The following PNCK variants were observed in gnomAD, a reference collection of about 807,000 sequenced individuals.
The protein encoded by PNCK is pregnancy up-regulated nonubiquitous CaM kinase.
A neutral mutation model predicts 28.3 loss-of-function variants in PNCK; 21 were observed. The observed-to-expected ratio is 0.74, with a 90% CI of 0.53 to 1.07. The LOEUF is 1.07. Ranked by LOEUF, PNCK falls within the 50% of genes least tolerant of loss-of-function variation. The probability of loss-of-function intolerance (pLI) is 0.00; values close to 1 mark genes in which losing one functional copy is unlikely to be tolerated. For missense variants in PNCK, 250 were observed against 298.3 expected (o/e 0.84, Z 1.19); for synonymous variants, 136 against 125.2 (o/e 1.09, Z -0.58).
chrX:153,686,675 G>A (rs1218926868), intron 1 of PNCK: 1 of 112,012 alleles, frequency 8.9e-6, no homozygotes, highest in Non-Finnish European at 1.9e-5. Flanking sequence ...GGCTGGGCCA[G>A]AGAAGACCCT....
intron 1 of PNCK, chrX:153,687,053 TA>T (rs1557043287): frequency 1.3e-5 from 2 of 148,671 alleles, no homozygotes; most frequent in African/African-American, 6.4e-5. Context: ...AGGCTACTCT[TA>T]GCCCTAGAAA....
At position 153,671,994 on chromosome X, in the gene PNCK, G is replaced by A; in HGVS notation, c.300C>T (p.Asp100=). The A allele has an allele frequency of 1.7e-6, 2 of 1,211,154 alleles. No individual in the cohort carries two copies. Among genetic ancestry groups the A allele is most frequent in the Non-Finnish European group, 2.2e-6 (2 of 895,303 alleles). The stretch of plus-strand genomic sequence containing the variant: ...TGTAGGAGCCGCGCTCCATGATGCG[G>A]TCAAACAGCTCGCCACCCGTCACCC... ...MELVTGGELF[D]RIMERGSYTE... The change falls in exon 5 of 12, where the codon GAC becomes GAT. Residue 100 remains aspartate, a synonymous_variant. Coordinates refer to ENST00000340888, the MANE Select transcript of PNCK (RefSeq NM_001366977.1).
chrX:153,679,569 T>TTC (rs1324388852), upstream of PNCK, among the ~76,000 whole-genome samples: 2 of 86,789 alleles, frequency 2.3e-5, no homozygotes, highest in Non-Finnish European at 4.4e-5. Context: ...TTCTTTTCTT[T>TTC]TTTTTTTTTT....
chrX:153,678,255 C>T (rs2091379273), upstream of PNCK, among the ~76,000 whole-genome samples: 1 of 110,067 alleles, frequency 9.1e-6, no homozygotes, highest in Non-Finnish European at 1.9e-5. Flanking sequence ...GAGTTCAAGA[C>T]AAGCGTGGCC....
rs192093050 is a variant in PNCK at position 153,687,300 on chromosome X, G to A, written c.-3+131C>T. ...GTCCGAAGCCCCTACCCACTCTCACGCCAGGCAGGGGTGGGGGCCGCCGGG... is the reference window on the plus strand; with the variant it reads ...GTCCGAAGCCCCTACCCACTCTCACACCAGGCAGGGGTGGGGGCCGCCGGG... On this transcript the variant is annotated intron_variant, in intron 1 of 3. Coordinates refer to the PNCK transcript ENST00000419804. 1,357 of 280,361 alleles carry A rather than the reference G, an allele frequency of 4.8e-3. 3 individuals are homozygous for A. Among genetic ancestry groups the A allele is most frequent in the Middle Eastern group, 0.015 (12 of 817 alleles). 23.1% of individuals were successfully genotyped at this position (280,361 alleles called of 1,213,427 possible).
At chrX:153,670,413 G>C (rs2091279020) in intron 11 of PNCK, 37 bp downstream of exon 11, 8 of 1,209,000 alleles carry the variant, frequency 6.6e-6, no homozygotes, top group Non-Finnish European at 6.7e-6. Flanking sequence ...TCTCCAAGGA[G>C]CCAGCTCCTG....
At chrX:153,685,529 G>T (rs782192689) in intron 1 of PNCK, among the ~76,000 whole-genome samples, 27 of 112,066 alleles carry the variant, frequency 2.4e-4, no homozygotes, top group African/African-American at 8.7e-4. Context: ...ACGTGGGGAG[G>T]GTTCCTGAAC....
At chrX:153,673,393 C>T in intron 1 of PNCK, 1 of 862,004 alleles carries the variant, frequency 1.2e-6, no homozygotes, top group South Asian at 2.4e-5. Flanking sequence ...TGCTCACCCA[C>T]GCCGTCCCTC....
At chrX:153,680,864 C>T (rs1482302368) in intron 1 of PNCK, among the ~76,000 whole-genome samples, 3 of 109,157 alleles carry the variant, frequency 2.7e-5, no homozygotes, top group East Asian at 5.8e-4. Flanking sequence ...ACTGTCTCTA[C>T]CAAAAAATAC....
Position 153,671,522 on chromosome X carries a change from A to C in PNCK, c.538+27T>G. The C allele has an allele frequency of 2.5e-6, 3 of 1,211,663 alleles. No homozygotes were observed. The Middle Eastern group carries it at 6.9e-4, about 278-fold the overall frequency. On this transcript the variant is annotated intron_variant, in intron 6 of 11. Transcript: ENST00000340888. The stretch of plus-strand genomic sequence containing the variant: ...GGGTCCCCCAGGCCACCCCACTCCC[A>C]GCAAGCCTCAGGGTGTCGTCCCTCA...
At chrX:153,683,834 G>A (rs1221376655) in intron 1 of PNCK, among the ~76,000 whole-genome samples, 1 of 111,873 alleles carries the variant, frequency 8.9e-6, no homozygotes, top group Non-Finnish European at 1.9e-5. Flanking sequence ...TGAGTCATAG[G>A]TCTATGTGGT....
At chrX:153,679,624 T>C (rs1392999886), upstream of PNCK, among the ~76,000 whole-genome samples, 5 of 95,962 alleles carry the variant, frequency 5.2e-5, no homozygotes, top group Middle Eastern at 5.2e-3. Flanking sequence ...CAGGCTGGAG[T>C]GCAGTGGTGC....
chrX:153,679,764 G>C (rs1284193292), upstream of PNCK, among the ~76,000 whole-genome samples: 1 of 109,134 alleles, frequency 9.2e-6, no homozygotes, highest in African/African-American at 3.3e-5. Flanking sequence ...TAGAGGCAGG[G>C]TTTCACCATG....
chrX:153,674,013 G>T, upstream of PNCK: 1 of 1,182,581 alleles, frequency 8.5e-7, no homozygotes. Context: ...TCCCGGAGCT[G>T]CGGCCCGGCT....
chrX:153,684,743 C>T (rs1339011868), intron 1 of PNCK, among the ~76,000 whole-genome samples: 1 of 108,076 alleles, frequency 9.3e-6, no homozygotes, highest in African/African-American at 3.4e-5. Context: ...TCCGCAGCTG[C>T]CCTAGGCTTG....
intron 1 of PNCK, among the ~76,000 whole-genome samples, chrX:153,685,277 G>C (rs1244198972): frequency 8.1e-5 from 9 of 111,337 alleles, no homozygotes; most frequent in Non-Finnish European, 1.7e-4. Context: ...TTCGGACGTG[G>C]GAGAGGACCC....
At chrX:153,673,483 C>T in intron 1 of PNCK, 1 of 451,150 alleles carries the variant, frequency 2.2e-6, no homozygotes, top group East Asian at 4.6e-5. Context: ...CACAGGCACC[C>T]GCTGCCCAAG....
At chrX:153,670,715 G>A (rs369720117) in intron 10 of PNCK, 29 bp downstream of exon 10, 66 of 1,172,326 alleles carry the variant, frequency 5.6e-5, no homozygotes, top group Middle Eastern at 5.2e-4. Context: ...TGCGGCGGGC[G>A]ACCACACTGG....
At chrX:153,676,122 C>T (rs782347235), upstream of PNCK, among the ~76,000 whole-genome samples, 3 of 108,893 alleles carry the variant, frequency 2.8e-5, no homozygotes, top group Non-Finnish European at 5.7e-5. Flanking sequence ...TTCAAGCCTC[C>T]TTGCTTTGTG....
Sources: allele counts gnomAD v4.1 joint callset (sites outside exome capture counted in the v4.1 genomes callset), GRCh38; gene constraint gnomAD v4.1.1; transcripts MANE v1.5; gene names NCBI Gene and HGNC (gene_info 2026-07-23, HGNC 2026-07-21).